Variants in CDK19 observed in about 807,000 individuals in gnomAD.
CDK19 encodes cyclin dependent kinase 19.
Under a neutral mutation model 68.3 loss-of-function variants are expected in CDK19, and 20 were observed. The observed-to-expected ratio is 0.29, with a 90% confidence interval of 0.21 to 0.43. CDK19 has a LOEUF of 0.43. Ranked by LOEUF, CDK19 falls within the 20% of genes least tolerant of loss-of-function variation. CDK19 has a pLI of 1.00. For missense variants in CDK19, 339 were observed against 623.5 expected (o/e 0.54, Z 4.86); for synonymous variants, 221 against 222.8 (o/e 0.99, Z 0.07).
intron 2 of CDK19, among the ~76,000 whole-genome samples, chr6:110,739,891 C>T (rs1413024709): frequency 1.3e-5 from 2 of 151,920 alleles, no homozygotes; most frequent in Admixed American, 1.3e-4. Context: ...CATCCCACCT[C>T]AGTCTCCCAA....
chr6:110,691,323 A>C (rs1276648383), intron 2 of CDK19, among the ~76,000 whole-genome samples: 1 of 151,904 alleles, frequency 6.6e-6, no homozygotes, highest in Non-Finnish European at 1.5e-5. Context: ...AAATACAAAA[A>C]ATTAGCCGGG....
intron 4 of CDK19, chr6:110,643,215 A>G (rs1780321456): frequency 1.6e-6 from 2 of 1,287,202 alleles, no homozygotes; most frequent in South Asian, 2.5e-5. Flanking sequence ...CGAGTAAAAC[A>G]ATACATTTTC....
intron 5 of CDK19, among the ~76,000 whole-genome samples, chr6:110,633,875 C>A (rs11754379): frequency 0.013 from 1,980 of 152,232 alleles, 23 homozygotes; most frequent in Middle Eastern, 0.034. Flanking sequence ...AATAAACATG[C>A]CAGTACTCAA....
chr6:110,806,781 C>G (rs1474963408), intron 1 of CDK19, among the ~76,000 whole-genome samples: 4 of 151,774 alleles, frequency 2.6e-5, no homozygotes, highest in Non-Finnish European at 5.9e-5. Context: ...AGTTCGAGAC[C>G]AGCCTGGCCA....
chr6:110,742,112 T>G (rs1164757750), intron 2 of CDK19, among the ~76,000 whole-genome samples: 1 of 152,154 alleles, frequency 6.6e-6, no homozygotes, highest in Non-Finnish European at 1.5e-5. Flanking sequence ...TTGCGGGAAG[T>G]CAGGGACCCC....
chr6:110,678,290 T>C (rs1771700745), intron 2 of CDK19, among the ~76,000 whole-genome samples: 3 of 152,106 alleles, frequency 2.0e-5, no homozygotes, highest in Non-Finnish European at 2.9e-5. Context: ...TGTTTACCTC[T>C]AGTCCACCCA....
chr6:110,814,789 G>A, intron 1 of CDK19: 1 of 686,254 alleles, frequency 1.5e-6, no homozygotes, highest in Non-Finnish European at 2.6e-6. Context: ...CGACGCCTCG[G>A]ACCGGGCTGC....
Position 110,614,177 on chromosome 6 carries a change from A to G in CDK19, c.*358T>C, listed in dbSNP as rs1778165131. The G allele has an allele frequency of 5.8e-6, 1 of 172,768 alleles. No homozygotes were observed. Among genetic ancestry groups the G allele is most frequent in the South Asian group, 1.8e-4 (1 of 5,702 alleles). The allele number at this position is 172,768 out of a possible 1,614,324, so 10.7% of individuals were successfully genotyped here. On this transcript the variant is annotated 3_prime_UTR_variant, in exon 13 of 13. Coordinates refer to ENST00000368911, the MANE Select transcript of CDK19 (RefSeq NM_015076.5). ...TCTAAAACATTAAAATCCTATTAAA[A>G]GAGCTTTGAAAAGATAAACCATAGT...
rs1184536514 is a variant in CDK19, at chr6:110,815,355, G to C, written c.-219C>G. Reference sequence around the variant, plus strand: ...CCACCTCTTCCTCCTCCTCCTCCGCGACGGCGGCGGCGGCTCCCGCAGGCA... The same window carrying C: ...CCACCTCTTCCTCCTCCTCCTCCGCCACGGCGGCGGCGGCTCCCGCAGGCA... On this transcript the variant is annotated 5_prime_UTR_variant, in exon 1 of 13. Transcript: ENST00000368911. 1 of 409,530 alleles carries C rather than the reference G, an allele frequency of 2.4e-6. No individual in the cohort carries two copies. The highest frequency in any genetic ancestry group is 4.2e-6 in the Non-Finnish European group (1 of 240,114). 25.4% of individuals were successfully genotyped at this position (409,530 alleles called of 1,614,324 possible).
Position 110,613,524 on chromosome 6 carries a change from A to G in CDK19, c.*1011T>C, listed in dbSNP as rs1778132723. On this transcript the variant is annotated 3_prime_UTR_variant, in exon 13 of 13. Transcript: ENST00000368911. ...GGCTTCTACTTGAGTAACCTTGATT[A>G]TGCAAGAAAGTTACTCACGCAGACC... 6.6e-6 allele frequency: 1 copy of G among 152,640 alleles called. No individual in the cohort carries two copies. Among genetic ancestry groups the G allele is most frequent in the South Asian group, 2.1e-4 (1 of 4,830 alleles). The allele number at this position is 152,640 out of a possible 1,614,324, so 9.5% of individuals were successfully genotyped here.
At chr6:110,696,040 A>G (rs1773453680) in intron 2 of CDK19, among the ~76,000 whole-genome samples, 1 of 152,222 alleles carries the variant, frequency 6.6e-6, no homozygotes, top group Admixed American at 6.5e-5. Context: ...GAAAGGATAT[A>G]TTGAAAAAAG....
At chr6:110,703,052 T>C (rs1774141793) in intron 2 of CDK19, among the ~76,000 whole-genome samples, 1 of 152,240 alleles carries the variant, frequency 6.6e-6, no homozygotes, top group African/African-American at 2.4e-5. Context: ...AATTATTTTT[T>C]GTAAAAGTCT....
At chr6:110,722,138 T>C (rs1481517729) in intron 2 of CDK19, 1 of 152,244 alleles carries the variant, frequency 6.6e-6, no homozygotes, top group Non-Finnish European at 1.5e-5. Flanking sequence ...AAAACTGTTT[T>C]ATACAGTCTT....
At chr6:110,744,634 A>G (rs148832333) in intron 2 of CDK19, among the ~76,000 whole-genome samples, 9 of 152,338 alleles carry the variant, frequency 5.9e-5, no homozygotes, top group African/African-American at 2.2e-4. Context: ...AGAAACATTT[A>G]TAGCACACTT....
chr6:110,804,616 G>C (rs1167046723), intron 1 of CDK19, among the ~76,000 whole-genome samples: 1 of 150,528 alleles, frequency 6.6e-6, no homozygotes, highest in Admixed American at 6.6e-5. Flanking sequence ...AAAGTGCTGG[G>C]ATAACAGGCG....
In CDK19 at chr6:110,747,103, G is replaced by A. The variant is rs184345175; in HGVS notation, c.129-902C>T. ...CAAGTTTTGTCTTTTGATCATATTA[G>A]AGCCTCAGCAAAGTATCACCATGTC... is the stretch of plus-strand genomic sequence containing the variant. On this transcript the variant is annotated intron_variant, in intron 1 of 12. Transcript: ENST00000368911. 2.0e-5 allele frequency among the ~76,000 whole-genome samples: 3 copies of A among 152,212 alleles called. No individual in the cohort carries two copies. In the East Asian group the frequency reaches 5.8e-4, roughly 29 times the overall value.
chr6:110,648,045 A>C (rs1780721279), intron 4 of CDK19, among the ~76,000 whole-genome samples: 1 of 152,190 alleles, frequency 6.6e-6, no homozygotes, highest in Non-Finnish European at 1.5e-5. Flanking sequence ...CATGATAAAA[A>C]TTTTCAGCAA....
At chr6:110,695,968 CAA>C (rs1456930924) in intron 2 of CDK19, among the ~76,000 whole-genome samples, 1 of 151,974 alleles carries the variant, frequency 6.6e-6, no homozygotes, top group Non-Finnish European at 1.5e-5. Flanking sequence ...AAAAGATAGA[CAA>C]AGAGGAAATC....
At chr6:110,783,021 A>G (rs1780932570) in intron 1 of CDK19, among the ~76,000 whole-genome samples, 1 of 152,228 alleles carries the variant, frequency 6.6e-6, no homozygotes, top group African/African-American at 2.4e-5. Flanking sequence ...GCTCACCTGC[A>G]GCACACTATT....
Sources: gnomAD v4.1 joint callset for allele counts (sites outside exome capture counted in the v4.1 genomes callset) on GRCh38, gnomAD v4.1.1 for gene constraint, MANE v1.5 for transcripts, NCBI Gene and HGNC (gene_info 2026-07-23, HGNC 2026-07-21) for gene names.